Variants in WWOX observed in about 807,000 individuals in gnomAD.
WWOX encodes the protein WW domain-containing oxidoreductase.
Under a neutral mutation model 46.2 loss-of-function variants are expected in WWOX, and 69 were observed. That is an observed-to-expected ratio of 1.49 (90% confidence interval 1.23 to 1.82). The LOEUF is 1.82. Among genes scored for constraint, WWOX ranks in the 40% most tolerant of loss-of-function variants. WWOX has a pLI of 0.00. For missense variants in WWOX, 919 were observed against 542.6 expected, an observed-to-expected ratio of 1.69 and a Z score of -6.89; for synonymous variants, 359 against 202.6, an observed-to-expected ratio of 1.77 and a Z score of -6.56.
chr16:78,163,762 A>T (rs1480334459), intron 4 of WWOX, among the ~76,000 whole-genome samples: 2 of 152,216 alleles, frequency 1.3e-5, no homozygotes, highest in Non-Finnish European at 2.9e-5. Flanking sequence ...AGTAGAGCAT[A>T]AAGTCCTTAT....
intron 8 of WWOX, chr16:79,203,576 C>T (rs1375748622): frequency 6.7e-6 from 1 of 148,754 alleles, no homozygotes. Context: ...AATGAACTGT[C>T]AACCTTAAAA....
intron 8 of WWOX, among the ~76,000 whole-genome samples, chr16:78,518,904 G>A (rs972856035): frequency 5.3e-5 from 8 of 152,170 alleles, no homozygotes; most frequent in African/African-American, 1.7e-4. Context: ...GTACTCACGG[G>A]TGTTATGGTT....
Position 78,906,259 on chromosome 16 carries a change from A to G in WWOX, c.1057-305349A>G, listed in dbSNP as rs183119136. On this transcript the variant is annotated intron_variant, in intron 8 of 8. Coordinates refer to ENST00000566780, the MANE Select transcript of WWOX (RefSeq NM_016373.4). ...CCATGCTGTTTTGTCTCCACAAGGAAGAAGTAGGAGGCATAGCCCAAGGCA... is the reference window on the plus strand; with the variant it reads ...CCATGCTGTTTTGTCTCCACAAGGAGGAAGTAGGAGGCATAGCCCAAGGCA... Among the ~76,000 whole-genome samples, 67 of 152,310 alleles carry G rather than the reference A, an allele frequency of 4.4e-4. No individual in the cohort carries two copies. In the East Asian group the frequency reaches 7.2e-3, roughly 16 times the overall value.
intron 8 of WWOX, among the ~76,000 whole-genome samples, chr16:79,128,366 GAAAAACAAAAAACA>G (rs375537182): frequency 2.6e-4 from 39 of 148,292 alleles, no homozygotes; most frequent in Non-Finnish European, 4.8e-4. Context: ...TTAGAAGTGT[GAAAAACAAAAAACA>G]AAAAACAAAA....
intron 8 of WWOX, among the ~76,000 whole-genome samples, chr16:79,211,225 A>G (rs2051733329): frequency 6.6e-6 from 1 of 152,164 alleles, no homozygotes; most frequent in Admixed American, 6.5e-5. Flanking sequence ...TTTGGTATCG[A>G]ATTACATTAT....
At chr16:78,671,284 G>A (rs1191099670) in intron 8 of WWOX, among the ~76,000 whole-genome samples, 1 of 152,140 alleles carries the variant, frequency 6.6e-6, no homozygotes, top group Non-Finnish European at 1.5e-5. Context: ...AATGAGCCGG[G>A]TGTGGTGGGG....
intron 8 of WWOX, among the ~76,000 whole-genome samples, chr16:78,656,520 A>T (rs8059227): frequency 6.6e-6 from 1 of 152,070 alleles, no homozygotes; most frequent in Non-Finnish European, 1.5e-5. Context: ...CTGGAGTAGG[A>T]GGCAAGGAGC....
At chr16:78,327,869 A>ATTTTTTTTTTTTTTTTTTTTTTTTTT (rs762650030) in intron 5 of WWOX, among the ~76,000 whole-genome samples, 1 of 81,082 alleles carries the variant, frequency 1.2e-5, no homozygotes, top group Non-Finnish European at 2.2e-5. Context: ...ATGAGTCCTG[A>ATTTTTTTTTTTTTTTTTTTTTTTTTT]TTTTTTTTTT....
chr16:79,160,672 C>G (rs182303934), intron 8 of WWOX, among the ~76,000 whole-genome samples: 5 of 152,140 alleles, frequency 3.3e-5, no homozygotes, highest in Non-Finnish European at 7.3e-5. Flanking sequence ...TCACTGATCA[C>G]GTCCCATACA....
intron 8 of WWOX, among the ~76,000 whole-genome samples, chr16:78,625,532 C>A (rs1265592970): frequency 6.6e-6 from 1 of 152,020 alleles, no homozygotes; most frequent in African/African-American, 2.4e-5. Flanking sequence ...ACCAAGTTCC[C>A]ATGTGTGTAA....
At chr16:78,268,057 G>A (rs554486836) in intron 5 of WWOX, among the ~76,000 whole-genome samples, 11 of 152,258 alleles carry the variant, frequency 7.2e-5, no homozygotes, top group African/African-American at 2.6e-4. Context: ...TGACTCAAGC[G>A]ATCTGCCTGC....
chr16:78,459,051 G>A (rs2083891243), intron 8 of WWOX, among the ~76,000 whole-genome samples: 1 of 152,184 alleles, frequency 6.6e-6, no homozygotes, highest in Non-Finnish European at 1.5e-5. Context: ...ATGGATTACA[G>A]TACCTAAATG....
At chr16:78,577,982 C>T (rs964657992) in intron 8 of WWOX, among the ~76,000 whole-genome samples, 1 of 151,974 alleles carries the variant, frequency 6.6e-6, no homozygotes, top group Non-Finnish European at 1.5e-5. Context: ...TTCACAAGAA[C>T]ATTTGTCACC....
chr16:78,797,701 C>T (rs756587546), intron 8 of WWOX, among the ~76,000 whole-genome samples: 3 of 152,160 alleles, frequency 2.0e-5, no homozygotes, highest in Non-Finnish European at 4.4e-5. Context: ...CAAAAATCCA[C>T]TGGAGGCCAG....
At chr16:78,768,618 G>A (rs2049985524) in intron 8 of WWOX, among the ~76,000 whole-genome samples, 1 of 151,754 alleles carries the variant, frequency 6.6e-6, no homozygotes, top group Non-Finnish European at 1.5e-5. Context: ...AGGCTTTGGA[G>A]CTTCCTAATT....
chr16:78,823,717 C>G (rs560801645), intron 8 of WWOX, among the ~76,000 whole-genome samples: 4 of 152,022 alleles, frequency 2.6e-5, no homozygotes, highest in Admixed American at 2.0e-4. Flanking sequence ...ATATGCATGT[C>G]TTAACTTTGC....
chr16:78,502,655 A>G (rs2085099243), intron 8 of WWOX, among the ~76,000 whole-genome samples: 1 of 152,194 alleles, frequency 6.6e-6, no homozygotes, highest in East Asian at 1.9e-4. Flanking sequence ...AAGTTTCAGC[A>G]TGGACTTCTG....
intron 8 of WWOX, among the ~76,000 whole-genome samples, chr16:79,073,909 T>A (rs1384123861): frequency 1.3e-5 from 2 of 152,346 alleles, no homozygotes; most frequent in African/African-American, 2.4e-5. Context: ...TATGTCCTTT[T>A]TAATTTCCTT....
At chr16:78,721,481 G>A (rs1179406151) in intron 8 of WWOX, among the ~76,000 whole-genome samples, 1 of 152,194 alleles carries the variant, frequency 6.6e-6, no homozygotes, top group Non-Finnish European at 1.5e-5. Context: ...TCAGCCATCA[G>A]ACAGAAACTC....
Sources: allele counts gnomAD v4.1 joint callset (sites outside exome capture counted in the v4.1 genomes callset), GRCh38; gene constraint gnomAD v4.1.1; transcripts MANE v1.5; gene names NCBI Gene and HGNC (gene_info 2026-07-23, HGNC 2026-07-21).